The following PTPRT variants were observed in gnomAD, a reference collection of about 807,000 sequenced individuals.
PTPRT encodes protein tyrosine phosphatase receptor type T.
Under a neutral mutation model 176.8 loss-of-function variants are expected in PTPRT, and 56 were observed. That is an observed-to-expected ratio of 0.32 (90% confidence interval 0.26 to 0.40). The LOEUF (loss-of-function observed/expected upper bound fraction) is 0.40, where lower values mean the gene tolerates loss of function less well. Among genes scored for constraint, PTPRT ranks in the 10% least tolerant of loss-of-function variants. The pLI, the probability that PTPRT is intolerant of heterozygous loss-of-function variation, is 1.00. For synonymous variants in PTPRT, 783 were observed against 739.0 expected, an observed-to-expected ratio of 1.06 and a Z score of -0.96; for missense variants, 1,540 against 1,908.2, an observed-to-expected ratio of 0.81 and a Z score of 3.60.
chr20:42,765,747 C>T (rs894783174), intron 5 of PTPRT, among the ~76,000 whole-genome samples: 12 of 151,452 alleles, frequency 7.9e-5, no homozygotes, highest in South Asian at 4.2e-4. Context: ...TATATTTTTT[C>T]ATAAAGCTTA....
At chr20:43,011,533 G>T (rs765759711) in intron 1 of PTPRT, among the ~76,000 whole-genome samples, 2 of 152,048 alleles carry the variant, frequency 1.3e-5, no homozygotes, top group Non-Finnish European at 1.5e-5. Flanking sequence ...GATGCTCCAA[G>T]GAATCAGAGC....
intron 7 of PTPRT, among the ~76,000 whole-genome samples, chr20:42,593,042 G>A (rs918247970): frequency 4.6e-5 from 7 of 152,198 alleles, no homozygotes; most frequent in African/African-American, 1.7e-4. Context: ...CCAAAGAGCT[G>A]GGGAATCTTC....
Position 42,155,237 on chromosome 20 carries a change from C to T in PTPRT, c.2682+6115G>A, listed in dbSNP as rs559053964. On this transcript the variant is annotated intron_variant, in intron 17 of 30. Transcript: ENST00000373187. ...AAAACTTCCCCAGGTAACTCTAATG[C>T]GCAACCCAAATTGAAGGCCTCTGAC... 3.9e-4 allele frequency among the ~76,000 whole-genome samples: 60 copies of T among 152,202 alleles called. 1 individual carries two copies. Among genetic ancestry groups the T allele is most frequent in the Admixed American group, 3.9e-3 (60 of 15,286 alleles).
intron 17 of PTPRT, among the ~76,000 whole-genome samples, chr20:42,153,928 C>T (rs1600599411): frequency 6.6e-6 from 1 of 152,218 alleles, no homozygotes; most frequent in South Asian, 2.1e-4. Context: ...TGAGCTCTTT[C>T]CTGCTGGAAA....
intron 11 of PTPRT, among the ~76,000 whole-genome samples, chr20:42,322,578 T>A (rs1600833886): frequency 7.0e-6 from 1 of 143,586 alleles, no homozygotes. Context: ...TGAAACTGGA[T>A]CCCTTCCTTA....
At chr20:42,735,848 T>C (rs1319841490) in intron 6 of PTPRT, among the ~76,000 whole-genome samples, 1 of 152,020 alleles carries the variant, frequency 6.6e-6, no homozygotes, top group Non-Finnish European at 1.5e-5. Context: ...CCAGGAGAAC[T>C]TGCAGCCACT....
chr20:42,285,433 C>G (rs191381756), intron 12 of PTPRT, among the ~76,000 whole-genome samples: 1 of 151,954 alleles, frequency 6.6e-6, no homozygotes, highest in African/African-American at 2.4e-5. Flanking sequence ...TTTGATGAGG[C>G]TAATACTGCT....
intron 1 of PTPRT, among the ~76,000 whole-genome samples, chr20:42,913,441 T>C (rs779401175): frequency 6.6e-6 from 1 of 152,200 alleles, no homozygotes; most frequent in Non-Finnish European, 1.5e-5. Context: ...CATTGTCTTT[T>C]CTGTCTCCCT....
intron 1 of PTPRT, among the ~76,000 whole-genome samples, chr20:42,923,144 G>A (rs947624213): frequency 6.6e-6 from 1 of 152,116 alleles, no homozygotes. Flanking sequence ...CACACCTGCA[G>A]CATGTTCAGC....
chr20:42,994,751 A>G (rs1182946338), intron 1 of PTPRT, among the ~76,000 whole-genome samples: 1 of 152,248 alleles, frequency 6.6e-6, no homozygotes, highest in Non-Finnish European at 1.5e-5. Flanking sequence ...TCCTTGAGGC[A>G]GGTTCATCTG....
At chr20:42,281,742 C>A (rs1403833011) in intron 13 of PTPRT, among the ~76,000 whole-genome samples, 1 of 152,092 alleles carries the variant, frequency 6.6e-6, no homozygotes, top group African/African-American at 2.4e-5. Context: ...TAGAATTGCC[C>A]AGTTCTGTTG....
chr20:42,429,441 T>C (rs1204250442), intron 9 of PTPRT, among the ~76,000 whole-genome samples: 6 of 152,144 alleles, frequency 3.9e-5, no homozygotes, highest in African/African-American at 1.4e-4. Context: ...GGAGGAGCTG[T>C]GACCTTTCTG....
chr20:42,216,972 C>T (rs7270492), intron 15 of PTPRT, among the ~76,000 whole-genome samples: 51,161 of 151,962 alleles, frequency 0.34, 9,090 homozygotes, highest in East Asian at 0.38. Context: ...TCCTAGGAGA[C>T]GCTAGGTTCT....
intron 7 of PTPRT, among the ~76,000 whole-genome samples, chr20:42,599,680 CTT>C (rs2073740927): frequency 6.6e-6 from 1 of 152,136 alleles, no homozygotes; most frequent in South Asian, 2.1e-4. Context: ...TCTGAAAACT[CTT>C]TACACAGAAC....
intron 9 of PTPRT, among the ~76,000 whole-genome samples, chr20:42,361,180 A>T (rs908410958): frequency 6.6e-6 from 1 of 152,276 alleles, no homozygotes; most frequent in Admixed American, 6.5e-5. Flanking sequence ...CACCCCACTC[A>T]GGAGGGACTT....
intron 2 of PTPRT, among the ~76,000 whole-genome samples, chr20:42,865,666 G>A (rs193009417): frequency 3.3e-5 from 5 of 152,260 alleles, no homozygotes; most frequent in Non-Finnish European, 1.5e-5. Flanking sequence ...GGTCTCCAAG[G>A]CAAAGGAAAG....
intron 1 of PTPRT, among the ~76,000 whole-genome samples, chr20:42,927,142 G>A (rs1979540750): frequency 6.6e-6 from 1 of 152,194 alleles, no homozygotes; most frequent in South Asian, 2.1e-4. Context: ...CTTCATCCAG[G>A]ACTTCCCATT....
chr20:42,402,082 G>A (rs1216518059), intron 9 of PTPRT, among the ~76,000 whole-genome samples: 1 of 152,146 alleles, frequency 6.6e-6, no homozygotes, highest in Non-Finnish European at 1.5e-5. Flanking sequence ...ATTCTGCCAG[G>A]TGAAGGAGGG....
intron 11 of PTPRT, among the ~76,000 whole-genome samples, chr20:42,334,073 T>C (rs1028326267): frequency 6.6e-6 from 1 of 152,004 alleles, no homozygotes; most frequent in Non-Finnish European, 1.5e-5. Flanking sequence ...TTTTTAAGAG[T>C]GTAAAGGGGT....
Sources: gnomAD v4.1 joint callset for allele counts (sites outside exome capture counted in the v4.1 genomes callset) on GRCh38, gnomAD v4.1.1 for gene constraint, MANE v1.5 for transcripts, NCBI Gene and HGNC (gene_info 2026-07-23, HGNC 2026-07-21) for gene names.